Variants in STK39 observed in about 807,000 individuals in gnomAD.
STK39 encodes the protein serine/threonine kinase 39, also known as STE20/SPS1-related proline-alanine-rich protein kinase.
Under a neutral mutation model 77.8 loss-of-function variants are expected in STK39, and 20 were observed. The observed-to-expected ratio is 0.26, with a 90% CI of 0.18 to 0.37. The LOEUF (loss-of-function observed/expected upper bound fraction) is 0.37, where lower values mean the gene tolerates loss of function less well. Ranked by LOEUF, STK39 falls within the 10% of genes least tolerant of loss-of-function variation. The pLI, the probability that STK39 is intolerant of heterozygous loss-of-function variation, is 1.00. For synonymous variants in STK39, 246 were observed against 234.1 expected (o/e 1.05, Z -0.47); for missense variants, 479 against 656.5 (o/e 0.73, Z 2.95).
intron 16 of STK39, among the ~76,000 whole-genome samples, chr2:167,983,152 T>C (rs890519517): frequency 1.3e-5 from 2 of 152,162 alleles, no homozygotes; most frequent in African/African-American, 4.8e-5. Flanking sequence ...AAACTCTCAT[T>C]ATGGTTAGAA....
intron 17 of STK39, among the ~76,000 whole-genome samples, chr2:167,956,369 C>T (rs942586670): frequency 6.6e-6 from 1 of 151,978 alleles, no homozygotes; most frequent in Non-Finnish European, 1.5e-5. Context: ...CCATCCTGGC[C>T]AACATGGTGA....
chr2:168,017,230 T>C (rs1684433994), intron 14 of STK39, 135 bp from the exon 15 acceptor site: 2 of 461,388 alleles, frequency 4.3e-6, no homozygotes, highest in Non-Finnish European at 3.7e-6. Context: ...CCAAGTATTT[T>C]GTTAACTGGA....
At chr2:168,064,636 T>C (rs1428965854) in intron 13 of STK39, among the ~76,000 whole-genome samples, 1 of 152,202 alleles carries the variant, frequency 6.6e-6, no homozygotes, top group African/African-American at 2.4e-5. Flanking sequence ...TGAATTTAAA[T>C]TGAATATGCA....
intron 16 of STK39, among the ~76,000 whole-genome samples, chr2:167,980,826 CT>C (rs1022801168): frequency 2.3e-4 from 34 of 146,934 alleles, no homozygotes; most frequent in Non-Finnish European, 3.9e-4. Flanking sequence ...ATTTCTTCTT[CT>C]TTTTTTAAAT....
chr2:168,213,341 T>C (rs994116854), intron 1 of STK39, among the ~76,000 whole-genome samples: 6 of 152,170 alleles, frequency 3.9e-5, no homozygotes, highest in African/African-American at 1.4e-4. Context: ...ATAGTCCCTG[T>C]CATGTGTTAA....
At chr2:168,052,992 A>G (rs1383208190) in intron 14 of STK39, among the ~76,000 whole-genome samples, 3 of 152,182 alleles carry the variant, frequency 2.0e-5, no homozygotes, top group Non-Finnish European at 4.4e-5. Context: ...ACCAGCTCCT[A>G]AGTAATCCCC....
chr2:168,060,072 C>T (rs1192227535), intron 14 of STK39, among the ~76,000 whole-genome samples: 1 of 152,126 alleles, frequency 6.6e-6, no homozygotes, highest in Non-Finnish European at 1.5e-5. Flanking sequence ...AAAAGTAATA[C>T]TGTTTAACTT....
At chr2:168,231,570 G>C (rs949879211) in intron 1 of STK39, among the ~76,000 whole-genome samples, 4 of 151,704 alleles carry the variant, frequency 2.6e-5, no homozygotes, top group African/African-American at 9.7e-5. Flanking sequence ...TAGCTTCACA[G>C]TCAACTCCTC....
intron 10 of STK39, among the ~76,000 whole-genome samples, chr2:168,114,283 C>A (rs1687200516): frequency 6.6e-6 from 1 of 152,142 alleles, no homozygotes; most frequent in Non-Finnish European, 1.5e-5. Flanking sequence ...TAACCTTAGA[C>A]AATAATTTCC....
intron 14 of STK39, among the ~76,000 whole-genome samples, chr2:168,057,603 T>C (rs979106484): frequency 2.0e-5 from 3 of 152,168 alleles, no homozygotes; most frequent in Non-Finnish European, 2.9e-5. Context: ...TGCTGGGTCA[T>C]TATTAACCTC....
intron 4 of STK39, among the ~76,000 whole-genome samples, chr2:168,162,809 T>C (rs4668035): frequency 0.27 from 40,420 of 151,842 alleles, 6,064 homozygotes; most frequent in East Asian, 0.56. Context: ...GGGCAGATCA[T>C]CTGGGATCAA....
At chr2:168,095,406 ACACT>A (rs1686635954) in intron 10 of STK39, among the ~76,000 whole-genome samples, 1 of 152,128 alleles carries the variant, frequency 6.6e-6, no homozygotes, top group South Asian at 2.1e-4. Flanking sequence ...GTTCTACCCA[ACACT>A]CACTAAGGAA....
intron 16 of STK39, among the ~76,000 whole-genome samples, chr2:168,002,861 C>CA (rs1684036458): frequency 6.6e-6 from 1 of 152,220 alleles, no homozygotes; most frequent in Admixed American, 6.5e-5. Context: ...CGTGTGCTCT[C>CA]ACTGCACATT....
intron 10 of STK39, among the ~76,000 whole-genome samples, chr2:168,094,370 A>C (rs1342510235): frequency 6.6e-6 from 1 of 152,044 alleles, no homozygotes; most frequent in Non-Finnish European, 1.5e-5. Flanking sequence ...CCCCCTCCAC[A>C]CTGAACTTTT....
intron 16 of STK39, among the ~76,000 whole-genome samples, chr2:168,006,845 C>G (rs1374773536): frequency 1.3e-5 from 2 of 152,218 alleles, no homozygotes; most frequent in East Asian, 3.8e-4. Context: ...CTGCACTGCT[C>G]TGCTTCTGCT....
intron 8 of STK39, among the ~76,000 whole-genome samples, chr2:168,131,625 T>G (rs1417878975): frequency 6.6e-6 from 1 of 152,202 alleles, no homozygotes; most frequent in African/African-American, 2.4e-5. Context: ...TCCTCAGATT[T>G]CAAGTGGAAC....
chr2:168,099,567 T>C (rs868850783), intron 10 of STK39, among the ~76,000 whole-genome samples: 4 of 152,220 alleles, frequency 2.6e-5, no homozygotes, highest in African/African-American at 7.2e-5. Flanking sequence ...CAGCTGTACC[T>C]ATAGGGGACC....
intron 1 of STK39, among the ~76,000 whole-genome samples, chr2:168,214,241 T>C (rs898159078): frequency 4.2e-5 from 2 of 48,024 alleles, no homozygotes; most frequent in African/African-American, 1.4e-4. Context: ...ATGTCAAAAA[T>C]AACAACAACA....
At chr2:168,214,315 C>G (rs1220317268) in intron 1 of STK39, among the ~76,000 whole-genome samples, 1 of 151,350 alleles carries the variant, frequency 6.6e-6, no homozygotes, top group Non-Finnish European at 1.5e-5. Context: ...TAAATTAGAT[C>G]TCAATAAAGA....
Sources: gnomAD v4.1 joint callset for allele counts (sites outside exome capture counted in the v4.1 genomes callset) on GRCh38, gnomAD v4.1.1 for gene constraint, MANE v1.5 for transcripts, NCBI Gene and HGNC (gene_info 2026-07-23, HGNC 2026-07-21) for gene names.